Variants in MTFR1 observed in about 807,000 individuals in gnomAD.
MTFR1 encodes chondrocyte protein with a poly-proline region.
Under a neutral mutation model 38.8 loss-of-function variants are expected in MTFR1, and 28 were observed. The ratio of observed to expected loss-of-function variants is 0.72; its 90% CI spans 0.53 to 0.99. The LOEUF (loss-of-function observed/expected upper bound fraction) is 0.99, where lower values mean the gene tolerates loss of function less well. Ranked by LOEUF, MTFR1 falls within the 50% of genes least tolerant of loss-of-function variation. The probability of loss-of-function intolerance (pLI) is 0.00; values close to 1 mark genes in which losing one functional copy is unlikely to be tolerated. For missense variants in MTFR1, 358 were observed against 395.5 expected (o/e 0.91, Z 0.81); for synonymous variants, 145 against 137.0 (o/e 1.06, Z -0.41).
At chr8:65,693,021 A>T (rs1805328700) in intron 3 of MTFR1, among the ~76,000 whole-genome samples, 1 of 151,388 alleles carries the variant, frequency 6.6e-6, no homozygotes, top group African/African-American at 2.4e-5. Flanking sequence ...CCGCCTACAC[A>T]TACCTTTTAA....
rs1216794417 is a variant in MTFR1 at position 65,762,407 on chromosome 8, G to A, written c.*49-8540G>A. On this transcript the variant is annotated intron_variant, in intron 3 of 3. Transcript: ENST00000521247. Reference sequence around the variant, plus strand: ...GTCTGCAGCAATGGTCATTAGTAGAGCAGCACGTGCTGACATGGAGAGGCA... The same window carrying A: ...GTCTGCAGCAATGGTCATTAGTAGAACAGCACGTGCTGACATGGAGAGGCA... 2.0e-5 allele frequency among the ~76,000 whole-genome samples: 3 copies of A among 152,308 alleles called. No homozygotes were observed. In the East Asian group the frequency reaches 5.8e-4, roughly 29 times the overall value.
At chr8:65,693,618 G>A (rs1234368850) in intron 3 of MTFR1, 26 bp from the exon 4 acceptor site, 2 of 1,596,370 alleles carry the variant, frequency 1.3e-6, no homozygotes, top group Admixed American at 1.7e-5. Context: ...CTTTGGTGAA[G>A]AACTTTCCCT....
intron 3 of MTFR1, among the ~76,000 whole-genome samples, chr8:65,751,211 GA>G (rs1221011373): frequency 6.6e-6 from 1 of 152,204 alleles, no homozygotes; most frequent in African/African-American, 2.4e-5. Flanking sequence ...AGACTTTGCA[GA>G]GATGCCAACT....
At chr8:65,775,482 A>T (rs1208638683), downstream of MTFR1, among the ~76,000 whole-genome samples, 1 of 152,154 alleles carries the variant, frequency 6.6e-6, no homozygotes, top group Non-Finnish European at 1.5e-5. Flanking sequence ...TTTAATTATC[A>T]CGTTTTTATG....
chr8:65,746,103 T>TC (rs1807664602), intron 3 of MTFR1, among the ~76,000 whole-genome samples: 1 of 151,582 alleles, frequency 6.6e-6, no homozygotes, highest in Admixed American at 6.6e-5. Flanking sequence ...GCTAATTTTT[T>TC]TTTTTTTTTT....
chr8:65,723,413 A>T, intron 3 of MTFR1: 1 of 945,674 alleles, frequency 1.1e-6, no homozygotes, highest in Non-Finnish European at 1.4e-6. Flanking sequence ...CAAGGGTAAA[A>T]TTTCTTAAAT....
At chr8:65,729,895 A>AT (rs1806779804) in intron 3 of MTFR1, among the ~76,000 whole-genome samples, 1 of 151,918 alleles carries the variant, frequency 6.6e-6, no homozygotes, top group Non-Finnish European at 1.5e-5. Flanking sequence ...TTGACACATT[A>AT]TGTCCATCCT....
At chr8:65,648,988 G>A (rs1809043283) in intron 1 of MTFR1, among the ~76,000 whole-genome samples, 1 of 151,874 alleles carries the variant, frequency 6.6e-6, no homozygotes, top group Admixed American at 6.6e-5. Flanking sequence ...GGATTCATAG[G>A]TTCTGTATCC....
At chr8:65,737,284 T>C (rs1316157440) in intron 3 of MTFR1, among the ~76,000 whole-genome samples, 2 of 152,090 alleles carry the variant, frequency 1.3e-5, no homozygotes. Context: ...GGCTTCCACA[T>C]TAGCGGCAAC....
intron 1 of MTFR1, among the ~76,000 whole-genome samples, chr8:65,662,940 C>G (rs1212387071): frequency 6.6e-6 from 1 of 150,968 alleles, no homozygotes; most frequent in African/African-American, 2.4e-5. Context: ...CCAGCCACCC[C>G]GTCCGGGAGA....
At chr8:65,694,119 C>T (rs958361796) in intron 4 of MTFR1, among the ~76,000 whole-genome samples, 5 of 148,856 alleles carry the variant, frequency 3.4e-5, no homozygotes, top group Middle Eastern at 3.5e-3. Flanking sequence ...CTGTCACCCA[C>T]GCTCCAGTGC....
At chr8:65,717,178 G>A (rs541786093) in intron 2 of MTFR1, among the ~76,000 whole-genome samples, 1 of 152,248 alleles carries the variant, frequency 6.6e-6, no homozygotes, top group Admixed American at 6.5e-5. Context: ...CTTGGATTCT[G>A]TTTCTATTGG....
chr8:65,773,274 A>G (rs1809164164), downstream of MTFR1, among the ~76,000 whole-genome samples: 1 of 152,228 alleles, frequency 6.6e-6, no homozygotes, highest in Non-Finnish European at 1.5e-5. Context: ...ATTTTTCTCT[A>G]TTAAAAAAAA....
At chr8:65,755,519 G>A (rs1283845306) in intron 3 of MTFR1, among the ~76,000 whole-genome samples, 6 of 152,074 alleles carry the variant, frequency 3.9e-5, no homozygotes, top group Non-Finnish European at 5.9e-5. Flanking sequence ...AACACTGCTC[G>A]TATGCATCTC....
At chr8:65,750,174 A>G (rs1396221330) in intron 3 of MTFR1, among the ~76,000 whole-genome samples, 3 of 152,244 alleles carry the variant, frequency 2.0e-5, no homozygotes, top group African/African-American at 7.2e-5. Context: ...GAAGGCAAAG[A>G]TTATCATCTC....
chr8:65,693,602 T>C (rs1299148209), intron 3 of MTFR1, 42 bp from the exon 4 acceptor site: 2 of 1,554,788 alleles, frequency 1.3e-6, no homozygotes, highest in Admixed American at 3.4e-5. Context: ...AACATTTTGG[T>C]GCCATCTTTG....
chr8:65,679,255 T>A (rs1306653771), intron 2 of MTFR1, among the ~76,000 whole-genome samples: 27 of 152,188 alleles, frequency 1.8e-4, no homozygotes, highest in Admixed American at 1.8e-3. Flanking sequence ...AATGACTGAA[T>A]GGTATACTTA....
chr8:65,666,971 T>C (rs1804398012), intron 1 of MTFR1, among the ~76,000 whole-genome samples: 1 of 152,164 alleles, frequency 6.6e-6, no homozygotes, highest in Non-Finnish European at 1.5e-5. Context: ...GTGAAAAACA[T>C]ATTAGAAAAT....
intron 3 of MTFR1, among the ~76,000 whole-genome samples, chr8:65,689,387 G>T (rs1183244606): frequency 6.6e-6 from 1 of 152,068 alleles, no homozygotes; most frequent in Non-Finnish European, 1.5e-5. Flanking sequence ...TAAATGAACT[G>T]ATTTTTTTGG....
Sources: allele counts gnomAD v4.1 joint callset (sites outside exome capture counted in the v4.1 genomes callset), GRCh38; gene constraint gnomAD v4.1.1; transcripts MANE v1.5; gene names NCBI Gene and HGNC (gene_info 2026-07-23, HGNC 2026-07-21).